The following ADAMTS17 variants were observed in gnomAD, a reference collection of about 807,000 sequenced individuals.
The protein encoded by ADAMTS17 is A disintegrin and metalloproteinase with thrombospondin motifs 17.
Under a neutral mutation model 141.5 loss-of-function variants are expected in ADAMTS17, and 113 were observed. That is an observed-to-expected ratio of 0.80 (90% CI 0.69 to 0.93). The LOEUF (loss-of-function observed/expected upper bound fraction) is 0.93. Among genes scored for constraint, ADAMTS17 ranks in the 40% least tolerant of loss-of-function variants. The probability of loss-of-function intolerance (pLI) is 0.00; values close to 1 mark genes in which losing one functional copy is unlikely to be tolerated. For synonymous variants in ADAMTS17, 768 were observed against 630.6 expected (o/e 1.22, Z -3.27); for missense variants, 1,659 against 1,517.9 (o/e 1.09, Z -1.54).
At chr15:100,200,085 G>C (rs886826061) in intron 7 of ADAMTS17, among the ~76,000 whole-genome samples, 1 of 152,240 alleles carries the variant, frequency 6.6e-6, no homozygotes, top group Non-Finnish European at 1.5e-5. Flanking sequence ...GGGTCTTGAA[G>C]TCCTCAGTGA....
chr15:100,273,094 T>G (rs1287261210), intron 4 of ADAMTS17, among the ~76,000 whole-genome samples: 1 of 152,184 alleles, frequency 6.6e-6, no homozygotes, highest in Non-Finnish European at 1.5e-5. Flanking sequence ...TTTGGTTTCC[T>G]AGTATTTTAT....
intron 7 of ADAMTS17, among the ~76,000 whole-genome samples, chr15:100,250,196 G>T (rs1459471629): frequency 1.3e-5 from 2 of 152,138 alleles, no homozygotes; most frequent in Non-Finnish European, 2.9e-5. Flanking sequence ...ATCAAGTTTT[G>T]CCCTCTTTAC....
At chr15:100,016,188 G>T (rs750453572) in intron 18 of ADAMTS17, among the ~76,000 whole-genome samples, 1 of 152,194 alleles carries the variant, frequency 6.6e-6, no homozygotes. Flanking sequence ...ATTTCTGTAA[G>T]TGTGTCCAAT....
rs1051045119 is a variant in ADAMTS17, at chr15:100,341,465, T to A, written c.80-56A>T. On this transcript the variant is annotated intron_variant, in intron 1 of 21. Coordinates refer to ENST00000268070, the MANE Select transcript of ADAMTS17 (RefSeq NM_139057.4). The stretch of plus-strand genomic sequence containing the variant: ...GCGGGGCCCGCCCGGACGCCCGCCC[T>A]CCCGCTGGCCGCCAGCCGCGCCAGC... 5.3e-5 allele frequency: 53 copies of A among 1,005,036 alleles called. No homozygotes were observed. In the African/African-American group the frequency reaches 8.6e-4, roughly 16 times the overall value. 62.3% of individuals were successfully genotyped at this position (1,005,036 alleles called of 1,614,324 possible).
At chr15:100,224,321 G>C (rs1027301437) in intron 7 of ADAMTS17, among the ~76,000 whole-genome samples, 2 of 152,122 alleles carry the variant, frequency 1.3e-5, no homozygotes, top group African/African-American at 2.4e-5. Context: ...ACAGGAGGGT[G>C]GGGGGTACAG....
intron 3 of ADAMTS17, among the ~76,000 whole-genome samples, chr15:100,308,177 C>G (rs570401756): frequency 6.6e-6 from 1 of 152,298 alleles, no homozygotes; most frequent in East Asian, 1.9e-4. Context: ...CGCTTTTTCT[C>G]CCACATACAC....
chr15:99,992,457 A>G (rs939754511), intron 20 of ADAMTS17, among the ~76,000 whole-genome samples: 1 of 152,198 alleles, frequency 6.6e-6, no homozygotes, highest in African/African-American at 2.4e-5. Context: ...GAAAACAGGA[A>G]TCATTCAAAT....
intron 20 of ADAMTS17, among the ~76,000 whole-genome samples, chr15:99,992,663 G>A (rs562882225): frequency 1.1e-4 from 16 of 152,224 alleles, no homozygotes; most frequent in African/African-American, 3.9e-4. Flanking sequence ...CAGGGGTCCC[G>A]GGAGTGAATG....
intron 7 of ADAMTS17, among the ~76,000 whole-genome samples, chr15:100,200,797 C>G (rs927937833): frequency 1.3e-5 from 2 of 152,152 alleles, no homozygotes; most frequent in Non-Finnish European, 2.9e-5. Flanking sequence ...TGCTCTCCCC[C>G]ATGGGCTGTC....
chr15:99,974,364 C>A lies in ADAMTS17; in HGVS notation c.*38G>T, dbSNP rs749781134. The A allele has an allele frequency of 6.2e-7, 1 of 1,613,534 alleles. No individual in the cohort carries two copies. The highest frequency in any genetic ancestry group is 8.5e-7 in the Non-Finnish European group (1 of 1,180,008). Reference sequence around the variant, plus strand: ...GGCTTGCGGGTGGGTGGGTTTCAGACCTGAGTCTGAGCTTTGAGCGACCCT... The same window carrying A: ...GGCTTGCGGGTGGGTGGGTTTCAGAACTGAGTCTGAGCTTTGAGCGACCCT... On this transcript the variant is annotated 3_prime_UTR_variant, in exon 22 of 22. Coordinates refer to ENST00000268070, the MANE Select transcript of ADAMTS17 (RefSeq NM_139057.4).
intron 3 of ADAMTS17, among the ~76,000 whole-genome samples, chr15:100,325,660 G>T (rs77275425): frequency 6.6e-6 from 1 of 152,022 alleles, no homozygotes; most frequent in Non-Finnish European, 1.5e-5. Flanking sequence ...TCACCTCTTC[G>T]CTCTCTCTCG....
At chr15:100,092,406 G>A (rs2035526089) in intron 15 of ADAMTS17, among the ~76,000 whole-genome samples, 1 of 152,194 alleles carries the variant, frequency 6.6e-6, no homozygotes, top group Non-Finnish European at 1.5e-5. Context: ...CTGCTGGGAC[G>A]ACACGTAACA....
chr15:100,313,526 T>A (rs1185864495), intron 3 of ADAMTS17, among the ~76,000 whole-genome samples: 1 of 152,212 alleles, frequency 6.6e-6, no homozygotes, highest in Non-Finnish European at 1.5e-5. Flanking sequence ...CGTTTGGGCA[T>A]CTAAATAAAT....
At chr15:100,055,245 G>A (rs1271551885) in intron 15 of ADAMTS17, among the ~76,000 whole-genome samples, 1 of 152,158 alleles carries the variant, frequency 6.6e-6, no homozygotes, top group African/African-American at 2.4e-5. Context: ...TGCATTGACT[G>A]TTCTCTGCTT....
At chr15:100,101,084 C>T (rs1262020544) in intron 14 of ADAMTS17, among the ~76,000 whole-genome samples, 1 of 152,188 alleles carries the variant, frequency 6.6e-6, no homozygotes, top group Non-Finnish European at 1.5e-5. Context: ...TTGTGCCAGC[C>T]TCCGCCCTCG....
chr15:100,099,284 G>C (rs955963264), intron 14 of ADAMTS17, among the ~76,000 whole-genome samples: 2 of 152,208 alleles, frequency 1.3e-5, no homozygotes, highest in Non-Finnish European at 2.9e-5. Context: ...CTGAACAGCA[G>C]TGACTCTAAA....
intron 8 of ADAMTS17, among the ~76,000 whole-genome samples, chr15:100,185,456 T>C (rs991021758): frequency 6.6e-6 from 1 of 152,166 alleles, no homozygotes; most frequent in Admixed American, 6.5e-5. Context: ...ATCAAGAACA[T>C]GAGGGTCTAA....
intron 3 of ADAMTS17, among the ~76,000 whole-genome samples, chr15:100,309,662 C>T (rs2045340594): frequency 6.6e-6 from 1 of 152,248 alleles, no homozygotes; most frequent in Non-Finnish European, 1.5e-5. Context: ...CATGCCCTTT[C>T]TCTGGAATCC....
chr15:100,272,878 A>G lies in ADAMTS17; in HGVS notation c.789+8351T>C, dbSNP rs148392083. Reference sequence around the variant, plus strand: ...GTTGAGGTAGTTTCCTTCTATTCCTAGTCTATTGAGTGCTTTTATCATGAA... The same window carrying G: ...GTTGAGGTAGTTTCCTTCTATTCCTGGTCTATTGAGTGCTTTTATCATGAA... On this transcript the variant is annotated intron_variant, in intron 4 of 21. Transcript: ENST00000268070. Among the ~76,000 whole-genome samples the G allele has an allele frequency of 3.3e-4, 50 of 152,076 alleles. No individual in the cohort carries two copies. In the East Asian group the frequency reaches 8.5e-3, roughly 26 times the overall value.
Sources: allele counts gnomAD v4.1 joint callset (sites outside exome capture counted in the v4.1 genomes callset), GRCh38; gene constraint gnomAD v4.1.1; transcripts MANE v1.5; gene names NCBI Gene and HGNC (gene_info 2026-07-23, HGNC 2026-07-21).